The following SLC25A46 variants were observed in gnomAD, a reference collection of about 807,000 sequenced individuals.
SLC25A46 encodes the protein solute carrier family 25 member 46, also known as mitochondrial outer membrane protein SLC25A46.
Under a neutral mutation model 44.6 loss-of-function variants are expected in SLC25A46, and 39 were observed. The observed-to-expected ratio is 0.87, with a 90% confidence interval of 0.68 to 1.14. The LOEUF (loss-of-function observed/expected upper bound fraction) is 1.14, where lower values mean the gene tolerates loss of function less well. Ranked by LOEUF, SLC25A46 falls within the 50% of genes most tolerant of loss-of-function variation. The pLI is 0.00. For missense variants in SLC25A46, 547 were observed against 522.7 expected (o/e 1.05, Z -0.45); for synonymous variants, 202 against 185.8 (o/e 1.09, Z -0.71).
At chr5:110,746,477 A>G in intron 4 of SLC25A46, 131 bp downstream of exon 4, 1 of 596,940 alleles carries the variant, frequency 1.7e-6, no homozygotes, top group Admixed American at 3.4e-5. Flanking sequence ...AAACTAAAGT[A>G]GCACAACGAT....
intron 7 of SLC25A46, among the ~76,000 whole-genome samples, chr5:110,757,502 A>G (rs1800148260): frequency 6.6e-6 from 1 of 152,138 alleles, no homozygotes; most frequent in African/African-American, 2.4e-5. Flanking sequence ...CCCTCTCTGT[A>G]AAAACTCGCA....
At chr5:110,752,864 T>G (rs1202624166) in intron 5 of SLC25A46, among the ~76,000 whole-genome samples, 1 of 152,080 alleles carries the variant, frequency 6.6e-6, no homozygotes, top group Non-Finnish European at 1.5e-5. Context: ...ACCCTAGATA[T>G]GAGCGTCGCT....
At chr5:110,748,393 C>G (rs1241854077) in intron 5 of SLC25A46, 130 bp downstream of exon 5, 1 of 662,358 alleles carries the variant, frequency 1.5e-6, no homozygotes, top group Non-Finnish European at 2.7e-6. Flanking sequence ...TAATGATCCT[C>G]TCATCCAACA....
Position 110,746,315 on chromosome 5 carries a change from T to C in SLC25A46, c.431T>C (p.Ile144Thr). 1.3e-6 allele frequency: 2 copies of C among 1,593,348 alleles called. No individual in the cohort carries two copies. The highest frequency in any genetic ancestry group is 1.7e-6 in the Non-Finnish European group (2 of 1,173,094). The change falls in exon 4 of 8, where the codon ATC becomes ACC. Residue 144 changes from isoleucine (I) to threonine (T), a missense_variant. By Grantham distance (89) the Ile-to-Thr change is moderately conservative. Transcript: ENST00000355943. ...TACCATCTCACTCCATTTACAGTCA[T>C]CAATATTATGTACAGTTTCAACAAA... The part of the protein sequence containing the change: ...QHYHLTPFTV[I>T]NIMYSFNKTQ...
At chr5:110,743,822 C>A in intron 3 of SLC25A46, 35 bp downstream of exon 3, 1 of 1,518,054 alleles carries the variant, frequency 6.6e-7, no homozygotes, top group African/African-American at 1.4e-5. Context: ...TGAAGCAATA[C>A]TTCTGACCCT....
chr5:110,738,269 T>TA (rs1561593171), upstream of SLC25A46: 1 of 1,280,964 alleles, frequency 7.8e-7, no homozygotes, highest in East Asian at 5.7e-5. Flanking sequence ...CGCTCTACAG[T>TA]AGTCCTCTCA....
In SLC25A46 at chr5:110,763,621, A is replaced by C. The variant is rs1306716859; in HGVS notation, c.*1839A>C. The stretch of plus-strand genomic sequence containing the variant: ...ATTTCTAGAAAAGAATCTGAATAGA[A>C]TCAAGTATTTACTAGTGAAAATCTG... On this transcript the variant is annotated 3_prime_UTR_variant, in exon 8 of 8. Coordinates refer to ENST00000355943, the MANE Select transcript of SLC25A46 (RefSeq NM_138773.4). 6.6e-6 allele frequency: 1 copy of C among 151,912 alleles called. No individual in the cohort carries two copies. 9.4% of individuals were successfully genotyped at this position (151,912 alleles called of 1,614,324 possible). A position where few individuals can be genotyped will look rare whatever the true frequency, so the allele number is the denominator to read the frequency against.
At chr5:110,750,121 G>A (rs938365007) in intron 5 of SLC25A46, among the ~76,000 whole-genome samples, 1 of 151,966 alleles carries the variant, frequency 6.6e-6, no homozygotes, top group African/African-American at 2.4e-5. Flanking sequence ...CTGATAGTAA[G>A]CTTTTTTCCA....
chr5:110,741,319 T>C (rs1799685198), intron 1 of SLC25A46, among the ~76,000 whole-genome samples: 1 of 152,202 alleles, frequency 6.6e-6, no homozygotes, highest in African/African-American at 2.4e-5. Context: ...AGACATACCA[T>C]CTGTAGTAGC....
At position 110,739,028 on chromosome 5, in the gene SLC25A46, G is replaced by A; in HGVS notation, c.-92G>A. Reference sequence around the variant, plus strand: ...TGTCAGAATTTACCCCTGACGCGGCGGCGGCCGACGGGAAGCTGTGTGTGC... The same window carrying A: ...TGTCAGAATTTACCCCTGACGCGGCAGCGGCCGACGGGAAGCTGTGTGTGC... On this transcript the variant is annotated 5_prime_UTR_variant, in exon 1 of 8. Coordinates refer to ENST00000355943, the MANE Select transcript of SLC25A46 (RefSeq NM_138773.4). 1 of 1,487,982 alleles carries A rather than the reference G, an allele frequency of 6.7e-7. No homozygotes were observed. Among genetic ancestry groups the A allele is most frequent in the East Asian group, 2.5e-5 (1 of 39,990 alleles). 92.2% of individuals were successfully genotyped at this position (1,487,982 alleles called of 1,614,324 possible).
At chr5:110,759,866 C>T (rs1800205483) in intron 7 of SLC25A46, among the ~76,000 whole-genome samples, 1 of 152,054 alleles carries the variant, frequency 6.6e-6, no homozygotes, top group Non-Finnish European at 1.5e-5. Context: ...TCACTGTCAT[C>T]TCATAGTTTT....
upstream of SLC25A46, chr5:110,738,968 C>T: frequency 6.9e-7 from 1 of 1,448,694 alleles, no homozygotes; most frequent in East Asian, 2.5e-5. Context: ...ATCACGTGCT[C>T]CGAAGACTTC....
Position 110,739,345 on chromosome 5 carries a change from C to T in SLC25A46, c.226C>T (p.Pro76Ser), listed in dbSNP as rs1580850665. The T allele has an allele frequency of 1.3e-6, 2 of 1,563,548 alleles. No individual in the cohort carries two copies. Among genetic ancestry groups the T allele is most frequent in the Non-Finnish European group, 1.7e-6 (2 of 1,155,342 alleles). ...CACCACCTCCACCCCGTACGAAGGC[C>T]CCACGGAGGAACCCTTTTCCAGTGG... ...VPTTSTPYEG[P>S]TEEPFSSGGG... The change falls in exon 1 of 8, where the codon CCC becomes TCC. Residue 76 changes from proline (P) to serine (S), a missense_variant. Coordinates refer to ENST00000355943, the MANE Select transcript of SLC25A46 (RefSeq NM_138773.4).
At chr5:110,755,224 C>T in intron 5 of SLC25A46, 2 of 303,676 alleles carry the variant, frequency 6.6e-6, no homozygotes, top group South Asian at 7.6e-5. Context: ...TCAGTTGTGC[C>T]TCTTGCTTCT....
In SLC25A46 at chr5:110,761,235, T is replaced by C; in HGVS notation, c.710T>C (p.Leu237Ser). 1 of 1,608,712 alleles carries C rather than the reference T, an allele frequency of 6.2e-7. No individual in the cohort carries two copies. Among genetic ancestry groups the C allele is most frequent in the East Asian group, 2.2e-5 (1 of 44,850 alleles). Residue 237 changes from leucine to serine, a missense_variant, in exon 8 of 8, where the codon TTG (leucine) becomes TCG (serine). Leu to Ser is a moderately radical substitution (Grantham distance 145). Transcript: ENST00000355943. This position sits in a 1 kb window ranked among gnomAD's most constrained non-coding sequence, Gnocchi z 5.3. ...ATAATTCGAGATAATACTGGCATTT[T>C]GGAGTGTGTTAAAGAAGGAATTGGA... ...SEIIRDNTGI[L>S]ECVKEGIGRV... is the part of the protein sequence containing the mutation.
At chr5:110,750,270 C>T (rs1291350169) in intron 5 of SLC25A46, among the ~76,000 whole-genome samples, 1 of 151,850 alleles carries the variant, frequency 6.6e-6, no homozygotes, top group Non-Finnish European at 1.5e-5. Context: ...CTTTAAAAAT[C>T]TGTATTTCGT....
intron 7 of SLC25A46, among the ~76,000 whole-genome samples, chr5:110,758,447 G>C (rs1189480175): frequency 6.6e-6 from 1 of 151,996 alleles, no homozygotes; most frequent in Admixed American, 6.6e-5. Context: ...TTTAGTTTTT[G>C]TTTTAGGAAA....
chr5:110,743,899 C>T, intron 3 of SLC25A46, 112 bp downstream of exon 3: 1 of 804,306 alleles, frequency 1.2e-6, no homozygotes, highest in Non-Finnish European at 1.9e-6. Context: ...GTGAAATGTT[C>T]CAAACTTTTT....
chr5:110,738,905 C>G, upstream of SLC25A46: 1 of 1,299,294 alleles, frequency 7.7e-7, no homozygotes, highest in Non-Finnish European at 1.0e-6. Flanking sequence ...TCCAGGTTAC[C>G]GCCGCGTCTC....
Sources: allele counts gnomAD v4.1 joint callset (sites outside exome capture counted in the v4.1 genomes callset), GRCh38; gene constraint gnomAD v4.1.1; non-coding constraint Gnocchi (gnomAD v3.1); transcripts MANE v1.5; gene names NCBI Gene and HGNC (gene_info 2026-07-23, HGNC 2026-07-21).